FAM228B: variants seen among roughly 807,000 people sequenced by gnomAD.
FAM228B encodes protein FAM228B.
FAM228B carries 38 observed loss-of-function variants against 42.6 expected under a neutral mutation model. That is an observed-to-expected ratio of 0.89 (90% CI 0.69 to 1.17). The LOEUF (loss-of-function observed/expected upper bound fraction) is 1.17. Ranked by LOEUF, FAM228B falls within the 50% of genes most tolerant of loss-of-function variation. FAM228B has a pLI of 0.00. For missense variants in FAM228B, 344 were observed against 367.3 expected (o/e 0.94, Z 0.52); for synonymous variants, 109 against 122.3 (o/e 0.89, Z 0.72).
chr2:24,162,237 G>T (rs186737725), intron 8 of FAM228B, among the ~76,000 whole-genome samples: 9 of 152,310 alleles, frequency 5.9e-5, no homozygotes, highest in Admixed American at 1.3e-4. Context: ...AATTGAATTG[G>T]AGTAGTATAA....
chr2:24,083,094 G>A, intron 2 of FAM228B: 3 of 1,614,104 alleles, frequency 1.9e-6, no homozygotes, highest in Non-Finnish European at 2.5e-6. Flanking sequence ...CACATGTCCA[G>A]ATGCCTCAAG....
intron 2 of FAM228B, among the ~76,000 whole-genome samples, chr2:24,128,921 A>AT (rs34420034): frequency 1.8e-3 from 263 of 147,050 alleles, no homozygotes; most frequent in East Asian, 5.1e-3. Context: ...AACTATGGGA[A>AT]TTTTTTTTTT....
chr2:24,082,145 A>G (rs1573720234), intron 2 of FAM228B, among the ~76,000 whole-genome samples: 1 of 152,244 alleles, frequency 6.6e-6, no homozygotes, highest in East Asian at 1.9e-4. Flanking sequence ...ACAGGCATGC[A>G]CCATCATGCC....
intron 2 of FAM228B, among the ~76,000 whole-genome samples, chr2:24,092,924 G>GCATACA (rs1553326193): frequency 1.5e-5 from 2 of 133,438 alleles, no homozygotes; most frequent in Non-Finnish European, 3.2e-5. Flanking sequence ...ATGATTTTAT[G>GCATACA]CACACACACA....
intron 2 of FAM228B, among the ~76,000 whole-genome samples, chr2:24,129,920 GC>G (rs761472778): frequency 4.9e-4 from 74 of 151,956 alleles, no homozygotes; most frequent in Non-Finnish European, 7.7e-4. Context: ...TAGGTTTTAA[GC>G]CCTGCATGCA....
At chr2:24,124,906 C>T (rs947092677) in intron 2 of FAM228B, among the ~76,000 whole-genome samples, 1 of 152,172 alleles carries the variant, frequency 6.6e-6, no homozygotes, top group African/African-American at 2.4e-5. Context: ...TACACTGTGT[C>T]GCCTAGGCTG....
chr2:24,148,993 C>T (rs1447131748), intron 7 of FAM228B, among the ~76,000 whole-genome samples: 1 of 152,202 alleles, frequency 6.6e-6, no homozygotes, highest in African/African-American at 2.4e-5. Context: ...TCTTTCTGTG[C>T]ATGGTTTATT....
At chr2:24,081,559 A>G (rs975712753) in intron 2 of FAM228B, among the ~76,000 whole-genome samples, 1 of 152,178 alleles carries the variant, frequency 6.6e-6, no homozygotes, top group Non-Finnish European at 1.5e-5. Context: ...GTGCTTCTCC[A>G]TTGGCTTTTG....
At chr2:24,121,010 T>A (rs967412209), upstream of FAM228B, among the ~76,000 whole-genome samples, 12 of 152,146 alleles carry the variant, frequency 7.9e-5, no homozygotes, top group Admixed American at 4.6e-4. Context: ...TTCTTTCACA[T>A]ATGTCTTCCT....
At chr2:24,137,489 G>C (rs1666618047) in intron 3 of FAM228B, among the ~76,000 whole-genome samples, 1 of 152,058 alleles carries the variant, frequency 6.6e-6, no homozygotes, top group Admixed American at 6.6e-5. Context: ...CACTGTTTGT[G>C]ATTTTGTTTG....
In FAM228B at chr2:24,084,415, G is replaced by C. The variant is rs1477730995; in HGVS notation, c.-210+3460G>C. 3.0e-6 allele frequency: 3 copies of C among 996,296 alleles called. No individual in the cohort carries two copies. The African/African-American group carries it at 4.8e-5, about 16-fold the overall frequency. The allele number at this position is 996,296 out of a possible 1,614,324, so 61.7% of individuals were successfully genotyped here. On this transcript the variant is annotated intron_variant, in intron 2 of 10. Transcript: ENST00000613899. This position sits in a 1 kb window ranked among gnomAD's most constrained non-coding sequence, Gnocchi z 8.4. ...ACAGGGCAGGGCAGGACAGGACAGG[G>C]CAGGGGCCGCTGTATCCTCGCGGAG... is the stretch of plus-strand genomic sequence containing the variant.
intron 3 of FAM228B, among the ~76,000 whole-genome samples, chr2:24,103,193 C>T (rs1665639468): frequency 6.6e-6 from 1 of 152,214 alleles, no homozygotes; most frequent in African/African-American, 2.4e-5. Context: ...CCAAGCCAGG[C>T]TCAAAGGCTC....
intron 3 of FAM228B, 29 bp from the exon 4 acceptor site, chr2:24,137,879 AT>A: frequency 6.9e-7 from 1 of 1,450,094 alleles, no homozygotes; most frequent in Non-Finnish European, 9.2e-7. Context: ...TTAGGATAAT[AT>A]ATTTGTCTTT....
At chr2:24,116,639 G>A (rs1665927401) in intron 3 of FAM228B, among the ~76,000 whole-genome samples, 1 of 152,152 alleles carries the variant, frequency 6.6e-6, no homozygotes, top group Admixed American at 6.5e-5. Flanking sequence ...CAGATCACTT[G>A]AAGTCAGGAG....
chr2:24,122,536 G>A (rs748171442), upstream of FAM228B: 5 of 1,605,166 alleles, frequency 3.1e-6, no homozygotes, highest in Non-Finnish European at 4.3e-6. Context: ...AATGGCTCAT[G>A]TTCCCTCAAC....
chr2:24,139,451 G>T lies in FAM228B; in HGVS notation c.441+1G>T. ...CAAGAAGGACCCCAATTTTCTGAAG[G>T]TAGGGTAGATTTCTTTTTTTTAACT... On this transcript the variant is annotated splice_donor_variant, in intron 5 of 10. Coordinates refer to ENST00000615575, the MANE Select transcript of FAM228B (RefSeq NM_001145710.2). LOFTEE classifies it high-confidence loss of function. The T allele has an allele frequency of 1.3e-6, 2 of 1,534,664 alleles. No individual in the cohort carries two copies. The highest frequency in any genetic ancestry group is 1.2e-5 in the South Asian group (1 of 83,252).
At chr2:24,139,980 C>T (rs1666706130) in intron 5 of FAM228B, among the ~76,000 whole-genome samples, 1 of 152,124 alleles carries the variant, frequency 6.6e-6, no homozygotes, top group South Asian at 2.1e-4. Context: ...TAATTTTCTT[C>T]ATTGCATGAT....
intron 3 of FAM228B, among the ~76,000 whole-genome samples, chr2:24,136,271 G>T (rs901412928): frequency 2.6e-5 from 4 of 151,826 alleles, no homozygotes; most frequent in African/African-American, 9.7e-5. Context: ...TCTTTGCCCA[G>T]GCTGGAGTGC....
intron 2 of FAM228B, among the ~76,000 whole-genome samples, chr2:24,129,735 TA>T (rs1662387715): frequency 6.6e-6 from 1 of 152,236 alleles, no homozygotes; most frequent in Non-Finnish European, 1.5e-5. Flanking sequence ...TTTTTAAGCA[TA>T]GCTATCATAA....
Sources: gnomAD v4.1 joint callset for allele counts (sites outside exome capture counted in the v4.1 genomes callset) on GRCh38, gnomAD v4.1.1 for gene constraint, Gnocchi (gnomAD v3.1) non-coding constraint, MANE v1.5 for transcripts, NCBI Gene and HGNC (gene_info 2026-07-23, HGNC 2026-07-21) for gene names.